KALRN: variants seen among roughly 807,000 people sequenced by gnomAD.
The protein encoded by KALRN is kalirin RhoGEF kinase.
In KALRN, 70 loss-of-function variants were observed where a neutral mutation model predicts 353.7. The ratio of observed to expected loss-of-function variants is 0.20; its 90% CI spans 0.16 to 0.24. The LOEUF is 0.24. Among genes scored for constraint, KALRN ranks in the 10% least tolerant of loss-of-function variants. The pLI is 1.00. For missense variants in KALRN, 2,791 were observed against 3,756.7 expected, an observed-to-expected ratio of 0.74 and a Z score of 6.72; for synonymous variants, 1,391 against 1,434.8, an observed-to-expected ratio of 0.97 and a Z score of 0.69.
At chr3:124,135,568 G>T (rs1458009157) in intron 1 of KALRN, among the ~76,000 whole-genome samples, 1 of 152,114 alleles carries the variant, frequency 6.6e-6, no homozygotes, top group African/African-American at 2.4e-5. Context: ...AGGGTGTGGG[G>T]GTGTTAGAGG....
At chr3:124,623,399 T>TACACACAAACACACACACACAC (rs2079531021) in intron 34 of KALRN, among the ~76,000 whole-genome samples, 1 of 136,444 alleles carries the variant, frequency 7.3e-6, no homozygotes, top group Non-Finnish European at 1.6e-5. Context: ...TATTTATTTA[T>TACACACAAACACACACACACAC]ACACACACAC....
intron 5 of KALRN, among the ~76,000 whole-genome samples, chr3:124,271,346 T>C (rs2074145775): frequency 2.0e-5 from 3 of 152,148 alleles, no homozygotes; most frequent in South Asian, 4.1e-4. Flanking sequence ...GAAGCCTGCA[T>C]AGGGCACAGA....
intron 33 of KALRN, among the ~76,000 whole-genome samples, chr3:124,555,361 C>T (rs2071096590): frequency 6.6e-6 from 1 of 151,738 alleles, no homozygotes; most frequent in Non-Finnish European, 1.5e-5. Context: ...TTGCAGTGAG[C>T]GGAGATCGCA....
chr3:124,399,001 A>C, intron 13 of KALRN, 130 bp downstream of exon 13: 1 of 884,010 alleles, frequency 1.1e-6, no homozygotes. Context: ...GAACCCAAGA[A>C]ATTCCCAGTC....
intron 18 of KALRN, 118 bp from the exon 19 acceptor site, chr3:124,441,827 A>G (rs2093675787): frequency 3.4e-6 from 2 of 588,740 alleles, no homozygotes; most frequent in Non-Finnish European, 5.6e-6. Flanking sequence ...CTCTGTCTCA[A>G]AAAAGAAAAA....
At chr3:124,418,363 G>C (rs760919387) in intron 14 of KALRN, among the ~76,000 whole-genome samples, 3 of 152,124 alleles carry the variant, frequency 2.0e-5, no homozygotes, top group Non-Finnish European at 4.4e-5. Flanking sequence ...AGTGGACCCA[G>C]ATTTTTTTTA....
chr3:124,661,370 C>G (rs1276399641), intron 44 of KALRN, among the ~76,000 whole-genome samples: 1 of 152,176 alleles, frequency 6.6e-6, no homozygotes, highest in Non-Finnish European at 1.5e-5. Context: ...CCTCCCTGTC[C>G]AAACCCTGCA....
At chr3:124,303,722 G>A (rs971583629) in intron 6 of KALRN, among the ~76,000 whole-genome samples, 11 of 152,176 alleles carry the variant, frequency 7.2e-5, no homozygotes, top group African/African-American at 2.4e-4. Flanking sequence ...TCACAGTAGT[G>A]ATAACAATGT....
intron 9 of KALRN, among the ~76,000 whole-genome samples, chr3:124,335,441 A>G (rs1436866422): frequency 6.6e-6 from 1 of 152,136 alleles, no homozygotes; most frequent in Non-Finnish European, 1.5e-5. Context: ...GTTTCTGACC[A>G]CAAAAGGACA....
At chr3:124,585,808 C>G (rs1238565384) in intron 34 of KALRN, among the ~76,000 whole-genome samples, 1 of 152,138 alleles carries the variant, frequency 6.6e-6, no homozygotes, top group Non-Finnish European at 1.5e-5. Context: ...AAAGTTTCAC[C>G]TTTTGGGCCT....
chr3:124,542,455 A>G (rs2069138037), intron 33 of KALRN, among the ~76,000 whole-genome samples: 1 of 152,186 alleles, frequency 6.6e-6, no homozygotes, highest in Non-Finnish European at 1.5e-5. Flanking sequence ...AGTCCCTCGA[A>G]GCATAAAATA....
rs764438948 is a variant in KALRN at position 124,269,195 on chromosome 3, G to T, written c.909G>T (p.Val303=). The T allele has an allele frequency of 6.2e-7, 1 of 1,611,116 alleles. No homozygotes were observed. The highest frequency in any genetic ancestry group is 8.5e-7 in the Non-Finnish European group (1 of 1,178,020). ...AGCACCTGCACCAGATGTGGCATGT[G>T]CGCAAGCTCAAGCTGGACCAGTGCT... The part of the protein sequence containing the change: ...TRQHLHQMWH[V]RKLKLDQCFQ... The change falls in exon 5 of 60, where the codon GTG becomes GTT. Residue 303 remains valine (V), a synonymous_variant. Transcript: ENST00000682506.
At chr3:124,390,509 A>C (rs1218903699) in intron 11 of KALRN, among the ~76,000 whole-genome samples, 1 of 152,176 alleles carries the variant, frequency 6.6e-6, no homozygotes, top group Non-Finnish European at 1.5e-5. Context: ...TCTTCAAGAG[A>C]GATGATGGCT....
At chr3:124,590,178 A>C (rs1248999460) in intron 34 of KALRN, among the ~76,000 whole-genome samples, 1 of 152,168 alleles carries the variant, frequency 6.6e-6, no homozygotes, top group Non-Finnish European at 1.5e-5. Context: ...TAGGTGTATC[A>C]TTTATTACCT....
chr3:124,647,448 A>G (rs931364024), intron 37 of KALRN, among the ~76,000 whole-genome samples: 6 of 152,072 alleles, frequency 3.9e-5, no homozygotes, highest in African/African-American at 1.4e-4. Context: ...TATACTCACA[A>G]TGCTGCTCCT....
At chr3:124,533,993 G>A (rs892834152) in intron 33 of KALRN, among the ~76,000 whole-genome samples, 1 of 152,150 alleles carries the variant, frequency 6.6e-6, no homozygotes, top group Non-Finnish European at 1.5e-5. Flanking sequence ...CCCTTGATAT[G>A]ATGTGGTGCT....
rs1480698098 is a variant in KALRN at position 124,488,305 on chromosome 3, C to T, written c.4386C>T (p.Ser1462=). 1 of 1,609,454 alleles carries T rather than the reference C, an allele frequency of 6.2e-7. No individual in the cohort carries two copies. Residue 1462 remains serine (S), a synonymous_variant, in exon 29 of 60, where the codon AGC becomes AGT. Coordinates refer to ENST00000682506, the MANE Select transcript of KALRN (RefSeq NM_001388419.1). ...PKKANDAMHV[S]MLEGFDENLD... is the part of the protein sequence containing the mutation. ...AAGCCAATGATGCCATGCATGTCAG[C>T]ATGCTGGAAGGTAGCTGTCCTCCCA...
intron 1 of KALRN, among the ~76,000 whole-genome samples, chr3:124,216,857 C>A (rs1238375484): frequency 6.6e-6 from 1 of 152,206 alleles, no homozygotes; most frequent in African/African-American, 2.4e-5. Flanking sequence ...AACATTAACT[C>A]ATCTCTTTGT....
At chr3:124,471,988 C>CAGT (rs2060960112) in intron 25 of KALRN, among the ~76,000 whole-genome samples, 1 of 127,702 alleles carries the variant, frequency 7.8e-6, no homozygotes, top group African/African-American at 2.8e-5. Context: ...AAAAAAACAA[C>CAGT]CTTCATTTTA....
Sources: allele counts gnomAD v4.1 joint callset (sites outside exome capture counted in the v4.1 genomes callset), GRCh38; gene constraint gnomAD v4.1.1; transcripts MANE v1.5; gene names NCBI Gene and HGNC (gene_info 2026-07-23, HGNC 2026-07-21).